The following TRHDE variants were observed in gnomAD, a reference collection of about 807,000 sequenced individuals.
TRHDE encodes thyrotropin-releasing hormone-degrading ectoenzyme.
TRHDE carries 72 observed loss-of-function variants against 125.7 expected under a neutral mutation model. The ratio of observed to expected loss-of-function variants is 0.57; its 90% confidence interval spans 0.47 to 0.70. The LOEUF (loss-of-function observed/expected upper bound fraction) is 0.70. Among genes scored for constraint, TRHDE ranks in the 30% least tolerant of loss-of-function variants. The pLI is 0.00. For synonymous variants in TRHDE, 509 were observed against 509.1 expected, an observed-to-expected ratio of 1.00 and a Z score of 0.00; for missense variants, 1,110 against 1,327.1, an observed-to-expected ratio of 0.84 and a Z score of 2.54.
chr12:72,219,078 T>C (rs2139366866), intron 2 of TRHDE, among the ~76,000 whole-genome samples: 1 of 152,250 alleles, frequency 6.6e-6, no homozygotes, highest in South Asian at 2.1e-4. Flanking sequence ...TGGTTCTTTA[T>C]TCTGAGGTTA....
chr12:72,294,620 C>T (rs1010191532), intron 2 of TRHDE, among the ~76,000 whole-genome samples: 2 of 152,018 alleles, frequency 1.3e-5, no homozygotes, highest in African/African-American at 4.8e-5. Flanking sequence ...ATTGGGTGGC[C>T]ATGGTTGGGC....
intron 2 of TRHDE, among the ~76,000 whole-genome samples, chr12:72,216,459 T>C (rs1437807572): frequency 6.6e-6 from 1 of 152,116 alleles, no homozygotes; most frequent in African/African-American, 2.4e-5. Context: ...AAAAGTCAGG[T>C]CTCCTGTCTT....
chr12:72,094,594 A>G (rs918451687), intron 1 of TRHDE, among the ~76,000 whole-genome samples: 7 of 152,216 alleles, frequency 4.6e-5, no homozygotes, highest in Non-Finnish European at 1.0e-4. Context: ...TGTAGCTGAG[A>G]GGGGCTGGAG....
chr12:72,455,532 T>C (rs1875801507), intron 3 of TRHDE, among the ~76,000 whole-genome samples: 1 of 152,188 alleles, frequency 6.6e-6, no homozygotes, highest in Admixed American at 6.5e-5. Context: ...ATTATATTTA[T>C]TTTTAATTGA....
chr12:72,308,952 C>CT lies in TRHDE; in HGVS notation c.1188+22005dup, dbSNP rs151031135. Among the ~76,000 whole-genome samples the CT allele has an allele frequency of 3.5e-3, 534 of 152,092 alleles. 9 individuals carry two copies. Among genetic ancestry groups the CT allele is most frequent in the East Asian group, 0.034 (175 of 5,174 alleles). On this transcript the variant is annotated intron_variant, in intron 2 of 18. Transcript: ENST00000261180. ...TCCACTTCAAGTTCATTTCTTTGTTCTTTTTTTAATGTTAGAACTCTTGTC... is the reference window on the plus strand; with the variant it reads ...TCCACTTCAAGTTCATTTCTTTGTTCTTTTTTTTAATGTTAGAACTCTTGTC...
At chr12:72,635,878 C>A (rs923570251) in intron 15 of TRHDE, among the ~76,000 whole-genome samples, 11 of 152,128 alleles carry the variant, frequency 7.2e-5, no homozygotes, top group Non-Finnish European at 1.6e-4. Flanking sequence ...GTTTTGGTAC[C>A]AGTACCATGC....
intron 2 of TRHDE, among the ~76,000 whole-genome samples, chr12:72,140,876 C>G (rs1383823483): frequency 1.3e-5 from 2 of 152,004 alleles, no homozygotes; most frequent in East Asian, 3.9e-4. Context: ...ATTCTTAAAA[C>G]AAATCTGGGG....
chr12:72,148,239 A>T (rs1026432707), intron 2 of TRHDE, among the ~76,000 whole-genome samples: 2 of 152,184 alleles, frequency 1.3e-5, no homozygotes, highest in Non-Finnish European at 2.9e-5. Flanking sequence ...TGAAGGTGAG[A>T]CCCTCAAGTG....
At chr12:72,411,176 C>T (rs1000243480) in intron 3 of TRHDE, among the ~76,000 whole-genome samples, 36 of 144,300 alleles carry the variant, frequency 2.5e-4, no homozygotes, top group Non-Finnish European at 4.5e-4. Flanking sequence ...GCACTCCAGC[C>T]TAGGCGACAG....
chr12:72,346,132 T>G (rs1186678831), intron 2 of TRHDE, among the ~76,000 whole-genome samples: 1 of 152,090 alleles, frequency 6.6e-6, no homozygotes, highest in East Asian at 1.9e-4. Flanking sequence ...GATTCTATCA[T>G]TCTCCACTGC....
rs1460377904 is a variant in TRHDE at position 72,667,419 on chromosome 12, ATT to A, written c.*4225_*4226del. 1.3e-5 allele frequency: 2 copies of A among 151,770 alleles called. No individual in the cohort carries two copies. Among genetic ancestry groups the A allele is most frequent in the Non-Finnish European group, 2.9e-5 (2 of 67,798 alleles). 9.4% of individuals were successfully genotyped at this position (151,770 alleles called of 1,614,324 possible). ...CATTTGACAATACATAAGAATATATATTGTATAGATACAATATATAACTATAC... is the reference window on the plus strand; with the variant it reads ...CATTTGACAATACATAAGAATATATAGTATAGATACAATATATAACTATAC... On this transcript the variant is annotated 3_prime_UTR_variant, in exon 19 of 19. Coordinates refer to ENST00000261180, the MANE Select transcript of TRHDE (RefSeq NM_013381.3).
intron 6 of TRHDE, among the ~76,000 whole-genome samples, chr12:72,525,488 A>G (rs543940294): frequency 3.3e-5 from 5 of 152,144 alleles, no homozygotes; most frequent in African/African-American, 9.6e-5. Context: ...TGTGCCTGGT[A>G]TATCCTAGGA....
At chr12:72,646,357 G>A (rs970261669) in intron 15 of TRHDE, among the ~76,000 whole-genome samples, 4 of 151,216 alleles carry the variant, frequency 2.6e-5, no homozygotes, top group African/African-American at 9.7e-5. Flanking sequence ...AAAAGAGAGG[G>A]AAAAACAAAT....
intron 1 of TRHDE, among the ~76,000 whole-genome samples, chr12:72,097,323 G>T (rs1239642819): frequency 1.3e-5 from 2 of 152,100 alleles, no homozygotes; most frequent in Admixed American, 1.3e-4. Context: ...CTGGTCTAGA[G>T]GGTCACCTCA....
chr12:72,624,181 T>G (rs144029359), intron 15 of TRHDE, among the ~76,000 whole-genome samples: 1 of 151,990 alleles, frequency 6.6e-6, no homozygotes, highest in African/African-American at 2.4e-5. Context: ...AGCTTGATAA[T>G]TAAACAATAA....
chr12:72,161,718 G>A (rs911073807), intron 2 of TRHDE, among the ~76,000 whole-genome samples: 6 of 152,234 alleles, frequency 3.9e-5, no homozygotes, highest in Admixed American at 1.3e-4. Flanking sequence ...TATAGGGAGA[G>A]GATTGGTTTA....
intron 3 of TRHDE, among the ~76,000 whole-genome samples, chr12:72,429,338 C>CATAATAATAATAATA (rs57170664): frequency 5.6e-5 from 8 of 143,394 alleles, no homozygotes; most frequent in African/African-American, 7.7e-5. Context: ...GAATTTAAAG[C>CATAATAATAATAATA]ATAATAATAA....
intron 2 of TRHDE, among the ~76,000 whole-genome samples, chr12:72,197,113 CCTTGAAACACTAT>C (rs1388022093): frequency 1.3e-5 from 2 of 152,088 alleles, no homozygotes; most frequent in Non-Finnish European, 2.9e-5. Flanking sequence ...ATTCTTTACT[CCTTGAAACACTAT>C]CTTTAGTAAG....
chr12:72,329,688 A>C (rs988488265), intron 2 of TRHDE, among the ~76,000 whole-genome samples: 2 of 152,214 alleles, frequency 1.3e-5, no homozygotes, highest in Non-Finnish European at 2.9e-5. Flanking sequence ...AGGTGATGGA[A>C]GTAGAACATT....
Sources: gnomAD v4.1 joint callset for allele counts (sites outside exome capture counted in the v4.1 genomes callset) on GRCh38, gnomAD v4.1.1 for gene constraint, MANE v1.5 for transcripts, NCBI Gene and HGNC (gene_info 2026-07-23, HGNC 2026-07-21) for gene names.